Variants in ZFP1 observed in about 807,000 individuals in gnomAD.
The protein encoded by ZFP1 is ZFP1 zinc finger protein.
ZFP1 carries 32 observed loss-of-function variants against 38.5 expected under a neutral mutation model. The ratio of observed to expected loss-of-function variants is 0.83; its 90% CI spans 0.63 to 1.12. The LOEUF is 1.12. ZFP1 is among the 50% of genes most tolerant of loss of function. The pLI is 0.00. For missense variants in ZFP1, 616 were observed against 480.8 expected, an observed-to-expected ratio of 1.28 and a Z score of -2.63; for synonymous variants, 245 against 168.8, an observed-to-expected ratio of 1.45 and a Z score of -3.50.
intron 2 of ZFP1, 68 bp from the exon 3 acceptor site, chr16:75,166,702 A>C: frequency 6.2e-7 from 1 of 1,608,796 alleles, no homozygotes; most frequent in Non-Finnish European, 8.5e-7. Flanking sequence ...AATGACATAA[A>C]GTTTTCATCT....
chr16:75,127,790 T>A, the ZFP1 span: 2 of 152,226 alleles, frequency 1.3e-5, no homozygotes, highest in African/African-American at 4.8e-5. Context: ...TCTTTTTAAC[T>A]TTTTGCTTAA....
chr16:75,132,652 C>CTTTTTTTTTTTTTTTTTTTT, the ZFP1 span: 1 of 104,294 alleles, frequency 9.6e-6, no homozygotes, highest in Non-Finnish European at 1.8e-5. Context: ...CATTTCATTT[C>CTTTTTTTTTTTTTTTTTTTT]TTTTTTTTTT....
chr16:75,139,334 A>T, the ZFP1 span, among the ~76,000 whole-genome samples: 4 of 124,510 alleles, frequency 3.2e-5, no homozygotes, highest in Non-Finnish European at 6.3e-5. Context: ...GCGCCACTGC[A>T]CTCCAGCCTG....
At chr16:75,143,293 G>T in the ZFP1 span, among the ~76,000 whole-genome samples, 1 of 151,986 alleles carries the variant, frequency 6.6e-6, no homozygotes, top group Admixed American at 6.6e-5. Flanking sequence ...CCAGGCTGGA[G>T]TGCAATGGTG....
the ZFP1 span, among the ~76,000 whole-genome samples, chr16:75,140,815 C>T: frequency 1.3e-5 from 2 of 152,022 alleles, no homozygotes; most frequent in Non-Finnish European, 2.9e-5. Flanking sequence ...AAAAATTAGC[C>T]GGGCGTGGTG....
At chr16:75,165,919 C>T (rs1019849800) in intron 2 of ZFP1, among the ~76,000 whole-genome samples, 1 of 152,124 alleles carries the variant, frequency 6.6e-6, no homozygotes, top group African/African-American at 2.4e-5. Context: ...GTACCTTTTG[C>T]ATTTCAGTTT....
intron 1 of ZFP1, among the ~76,000 whole-genome samples, chr16:75,150,832 AT>A (rs1280288461): frequency 2.0e-5 from 3 of 152,068 alleles, no homozygotes; most frequent in African/African-American, 7.2e-5. Context: ...TCCTTGATTG[AT>A]TGATTGATTG....
chr16:75,169,260 G>A lies in ZFP1; in HGVS notation c.150G>A (p.Trp50Ter). The A allele has an allele frequency of 6.2e-7, 1 of 1,606,920 alleles. No homozygotes were observed. The highest frequency in any genetic ancestry group is 8.5e-7 in the Non-Finnish European group (1 of 1,177,896). Residue 50 changes from tryptophan (W) to a stop codon, truncating the protein, a stop_gained, in exon 4 of 4, where the codon TGG (tryptophan) becomes TGA (stop). Coordinates refer to ENST00000570010, the MANE Select transcript of ZFP1 (RefSeq NM_153688.4). LOFTEE classifies it high-confidence loss of function. ...TGTGCTCTCTATTCCTAGAAGTGTGGAAGGCTGATGACCAGATGGAGAGAG... is the reference window on the plus strand; with the variant it reads ...TGTGCTCTCTATTCCTAGAAGTGTGAAAGGCTGATGACCAGATGGAGAGAG... The part of the protein sequence containing the change: ...NYSNLLSVEV[W>*]KADDQMERDH...
chr16:75,145,220 C>G (rs2145479091), upstream of ZFP1, among the ~76,000 whole-genome samples: 1 of 152,326 alleles, frequency 6.6e-6, no homozygotes, highest in South Asian at 2.1e-4. Context: ...TAAAAGCAAG[C>G]TGCTACCACT....
chr16:75,128,332 C>G, the ZFP1 span, among the ~76,000 whole-genome samples: 1 of 152,194 alleles, frequency 6.6e-6, no homozygotes, highest in Non-Finnish European at 1.5e-5. Flanking sequence ...ATCTGAGATT[C>G]CTTCTCTGGG....
At chr16:75,137,787 C>T in the ZFP1 span, among the ~76,000 whole-genome samples, 8 of 151,902 alleles carry the variant, frequency 5.3e-5, no homozygotes, top group African/African-American at 1.9e-4. Context: ...CTTTAATGAG[C>T]TGCATGCAGT....
intron 1 of ZFP1, among the ~76,000 whole-genome samples, chr16:75,151,663 A>G (rs369635482): frequency 6.6e-6 from 1 of 152,222 alleles, no homozygotes; most frequent in African/African-American, 2.4e-5. Context: ...GAATATTGAC[A>G]TATGCTGTAA....
At chr16:75,149,400 C>G (rs541588212) in intron 1 of ZFP1, 1 of 152,294 alleles carries the variant, frequency 6.6e-6, no homozygotes, top group Admixed American at 6.5e-5. Flanking sequence ...ACCCAAAATT[C>G]TTCACTACTT....
the ZFP1 span, among the ~76,000 whole-genome samples, chr16:75,140,958 C>A: frequency 2.0e-5 from 3 of 151,706 alleles, no homozygotes; most frequent in African/African-American, 7.3e-5. Flanking sequence ...GACTCCATCT[C>A]AAAAAAACAC....
At chr16:75,138,354 G>A in the ZFP1 span, among the ~76,000 whole-genome samples, 1 of 152,140 alleles carries the variant, frequency 6.6e-6, no homozygotes, top group Non-Finnish European at 1.5e-5. Flanking sequence ...CTTGTTAAAC[G>A]TGGACTGTGC....
At chr16:75,153,510 G>A (rs758390443) in intron 2 of ZFP1, among the ~76,000 whole-genome samples, 19 of 152,088 alleles carry the variant, frequency 1.2e-4, no homozygotes, top group African/African-American at 4.1e-4. Context: ...TAATCATACT[G>A]TTCTGTTTAT....
chr16:75,133,306 T>C, the ZFP1 span, among the ~76,000 whole-genome samples: 1 of 152,132 alleles, frequency 6.6e-6, no homozygotes, highest in African/African-American at 2.4e-5. Context: ...CGGGGGTACA[T>C]GCGCAGATTT....
At chr16:75,140,249 C>G in the ZFP1 span, among the ~76,000 whole-genome samples, 1 of 146,456 alleles carries the variant, frequency 6.8e-6, no homozygotes, top group African/African-American at 2.6e-5. Context: ...GCCTGGGCAA[C>G]AAGAGTGAAA....
At chr16:75,162,928 T>TG (rs1555523363) in intron 2 of ZFP1, among the ~76,000 whole-genome samples, 1 of 151,940 alleles carries the variant, frequency 6.6e-6, no homozygotes, top group East Asian at 1.9e-4. Flanking sequence ...TTTTTTTTTT[T>TG]GGAAACAGTC....
Sources: gnomAD v4.1 joint callset for allele counts (sites outside exome capture counted in the v4.1 genomes callset) on GRCh38, gnomAD v4.1.1 for gene constraint, MANE v1.5 for transcripts, NCBI Gene and HGNC (gene_info 2026-07-23, HGNC 2026-07-21) for gene names.